Variants in SLCO1A2 observed in about 807,000 individuals in gnomAD.
The protein encoded by SLCO1A2 is solute carrier organic anion transporter family member 1A2.
A neutral mutation model predicts 69.0 loss-of-function variants in SLCO1A2; 67 were observed. The observed-to-expected ratio is 0.97, with a 90% confidence interval of 0.80 to 1.19. The LOEUF is 1.19. Ranked by LOEUF, SLCO1A2 falls within the 50% of genes most tolerant of loss-of-function variation. The pLI is 0.00. For missense variants in SLCO1A2, 787 were observed against 793.7 expected, an observed-to-expected ratio of 0.99 and a Z score of 0.10; for synonymous variants, 260 against 265.9, an observed-to-expected ratio of 0.98 and a Z score of 0.22.
chr12:21,415,665 G>A (rs1440637978), intron 1 of SLCO1A2, among the ~76,000 whole-genome samples: 5 of 151,782 alleles, frequency 3.3e-5, no homozygotes, highest in Non-Finnish European at 5.9e-5. Context: ...TTATCCTTTT[G>A]CATGTCAATT....
At chr12:21,382,704 A>T (rs1357102630) in intron 1 of SLCO1A2, among the ~76,000 whole-genome samples, 1 of 149,984 alleles carries the variant, frequency 6.7e-6, no homozygotes, top group African/African-American at 2.4e-5. Context: ...CTGAGACGGG[A>T]GAGTCGCTTG....
rs182710928 is a variant in SLCO1A2 at position 21,274,825 on chromosome 12, A to T, written c.1676-239T>A. ...TATTAGTAGAGTAAAACATTGAATTAAAGATTCTGAACTTTATATATTTTC... is the reference window on the plus strand; with the variant it reads ...TATTAGTAGAGTAAAACATTGAATTTAAGATTCTGAACTTTATATATTTTC... On this transcript the variant is annotated intron_variant, in intron 13 of 14. Coordinates refer to ENST00000683939, the MANE Select transcript of SLCO1A2 (RefSeq NM_001386879.1). 189 of 759,920 alleles carry T rather than the reference A, an allele frequency of 2.5e-4. No individual in the cohort carries two copies. In the African/African-American group the frequency reaches 2.7e-3, roughly 11 times the overall value. 47.1% of individuals were successfully genotyped at this position (759,920 alleles called of 1,614,324 possible).
intron 5 of SLCO1A2, among the ~76,000 whole-genome samples, chr12:21,306,426 A>C (rs2136531890): frequency 6.6e-6 from 1 of 152,132 alleles, no homozygotes; most frequent in African/African-American, 2.4e-5. Context: ...CCTGGGTTTA[A>C]GCGATCCTCC....
intron 12 of SLCO1A2, among the ~76,000 whole-genome samples, chr12:21,291,129 CAT>C (rs1400873575): frequency 6.6e-6 from 1 of 152,046 alleles, no homozygotes; most frequent in African/African-American, 2.4e-5. Context: ...ATTTTACACC[CAT>C]TGGATTAGTC....
At chr12:21,349,742 G>T (rs779319238) in intron 2 of SLCO1A2, among the ~76,000 whole-genome samples, 1 of 152,158 alleles carries the variant, frequency 6.6e-6, no homozygotes, top group African/African-American at 2.4e-5. Context: ...AGTCCAGAAA[G>T]ATTTTACTTC....
intron 1 of SLCO1A2, among the ~76,000 whole-genome samples, chr12:21,411,890 T>C (rs1941912831): frequency 6.6e-6 from 1 of 151,994 alleles, no homozygotes; most frequent in Non-Finnish European, 1.5e-5. Context: ...TTTGCCATAT[T>C]GCCTGAGCTC....
At position 21,269,667 on chromosome 12, in the gene SLCO1A2, T is replaced by G. The variant is rs1942435070; in HGVS notation, c.1894A>C (p.Asn632His). 1 of 1,612,594 alleles carries G rather than the reference T, an allele frequency of 6.2e-7. No homozygotes were observed. Among genetic ancestry groups the G allele is most frequent in the African/African-American group, 1.3e-5 (1 of 74,828 alleles). ...ATAAGCTCTGTTCCTGAAGAGGCAT[T>G]TTCACCAGGTAGATGACACTTCCTC... ...LLRKCHLPGE[N>H]ASSGTELIET... is the part of the protein sequence containing the mutation. Residue 632 changes from asparagine to histidine, a missense_variant, in exon 15 of 15, where the codon AAT becomes CAT. Asn to His is a moderately conservative substitution (Grantham distance 68). Coordinates refer to ENST00000683939, the MANE Select transcript of SLCO1A2 (RefSeq NM_001386879.1).
chr12:21,365,844 A>G (rs1235138870), intron 2 of SLCO1A2, among the ~76,000 whole-genome samples: 1 of 152,222 alleles, frequency 6.6e-6, no homozygotes, highest in African/African-American at 2.4e-5. Context: ...CAAAACCACA[A>G]TGAGATACCA....
In SLCO1A2 at chr12:21,361,595, G is replaced by A. The variant is rs186153616; in HGVS notation, c.-63+12804C>T. On this transcript the variant is annotated intron_variant, in intron 2 of 15. Coordinates refer to the SLCO1A2 transcript ENST00000307378. Reference sequence around the variant, plus strand: ...AAGATTGGTAATAACAAACTTCTCCGAGCTAAAGGAGGATGTTTGAACCTA... The same window carrying A: ...AAGATTGGTAATAACAAACTTCTCCAAGCTAAAGGAGGATGTTTGAACCTA... 1.7e-3 allele frequency among the ~76,000 whole-genome samples: 262 copies of A among 152,276 alleles called. 1 individual carries two copies. Among genetic ancestry groups the A allele is most frequent in the South Asian group, 1.5e-3 (7 of 4,820 alleles).
At chr12:21,314,417 G>T in intron 4 of SLCO1A2, 132 bp downstream of exon 4, 1 of 931,626 alleles carries the variant, frequency 1.1e-6, no homozygotes, top group Non-Finnish European at 1.6e-6. Context: ...AGATGGAACA[G>T]AATGTGCATC....
At chr12:21,330,434 G>C (rs1265515843) in intron 2 of SLCO1A2, among the ~76,000 whole-genome samples, 1 of 152,088 alleles carries the variant, frequency 6.6e-6, no homozygotes, top group African/African-American at 2.4e-5. Context: ...TCTTGAGCCT[G>C]GGAGGTTGAG....
At chr12:21,344,674 T>A (rs1953195506) in intron 2 of SLCO1A2, among the ~76,000 whole-genome samples, 1 of 151,968 alleles carries the variant, frequency 6.6e-6, no homozygotes, top group Non-Finnish European at 1.5e-5. Flanking sequence ...CAGCAGAAAA[T>A]TATATGCATA....
intron 1 of SLCO1A2, among the ~76,000 whole-genome samples, chr12:21,401,090 T>G (rs1941686735): frequency 6.6e-6 from 1 of 151,902 alleles, no homozygotes; most frequent in Non-Finnish European, 1.5e-5. Flanking sequence ...ATATCATTAT[T>G]ATTCATCACT....
chr12:21,278,938 C>CA (rs1352181012), intron 12 of SLCO1A2, among the ~76,000 whole-genome samples: 1 of 151,696 alleles, frequency 6.6e-6, no homozygotes, highest in Non-Finnish European at 1.5e-5. Context: ...TGAGGAAACT[C>CA]AAAGAAATTC....
At chr12:21,284,250 G>T (rs551016057) in intron 12 of SLCO1A2, among the ~76,000 whole-genome samples, 8 of 152,262 alleles carry the variant, frequency 5.3e-5, no homozygotes, top group African/African-American at 1.4e-4. Context: ...AAAAAAGAAT[G>T]AGGGGGAGGA....
chr12:21,406,962 G>C (rs73065871), intron 1 of SLCO1A2, among the ~76,000 whole-genome samples: 7,164 of 152,122 alleles, frequency 0.047, 186 homozygotes, highest in African/African-American at 0.062. Flanking sequence ...AGAAAACATA[G>C]ACACATTGCG....
chr12:21,390,809 G>C (rs1941114530), intron 1 of SLCO1A2, among the ~76,000 whole-genome samples: 1 of 152,116 alleles, frequency 6.6e-6, no homozygotes, highest in Non-Finnish European at 1.5e-5. Context: ...ATAAAAAAAT[G>C]AGATAAATTA....
chr12:21,365,240 C>A lies in SLCO1A2; in HGVS notation c.-63+9159G>T, dbSNP rs547747381. On this transcript the variant is annotated intron_variant, in intron 2 of 15. Coordinates refer to the SLCO1A2 transcript ENST00000307378. ...CAGAATAGAGCCCTCAGAAATAATA[C>A]CACACATCTACAACCATCTGATCTT... 2.6e-5 allele frequency among the ~76,000 whole-genome samples: 4 copies of A among 152,202 alleles called. No individual in the cohort carries two copies. The South Asian group carries it at 8.3e-4, about 32-fold the overall frequency.
intron 2 of SLCO1A2, among the ~76,000 whole-genome samples, chr12:21,333,326 T>C (rs1952726580): frequency 1.3e-5 from 2 of 152,130 alleles, no homozygotes; most frequent in African/African-American, 4.8e-5. Flanking sequence ...CTATTCTGAC[T>C]CATGTCTAGT....
Sources: gnomAD v4.1 joint callset for allele counts (sites outside exome capture counted in the v4.1 genomes callset) on GRCh38, gnomAD v4.1.1 for gene constraint, MANE v1.5 for transcripts, NCBI Gene and HGNC (gene_info 2026-07-23, HGNC 2026-07-21) for gene names.